The following PLEKHB1 variants were observed in gnomAD, a reference collection of about 807,000 sequenced individuals.
The protein encoded by PLEKHB1 is pleckstrin homology domain-containing family B member 1.
A neutral mutation model predicts 36.2 loss-of-function variants in PLEKHB1; 29 were observed. The observed-to-expected ratio is 0.80, with a 90% CI of 0.60 to 1.09. PLEKHB1 has a LOEUF of 1.09. Among genes scored for constraint, PLEKHB1 ranks in the 50% least tolerant of loss-of-function variants. PLEKHB1 has a pLI of 0.00. For synonymous variants in PLEKHB1, 138 were observed against 140.0 expected, an observed-to-expected ratio of 0.99 and a Z score of 0.10; for missense variants, 330 against 348.2, an observed-to-expected ratio of 0.95 and a Z score of 0.42.
At chr11:73,659,029 G>C (rs1945052108) in intron 6 of PLEKHB1, among the ~76,000 whole-genome samples, 1 of 152,108 alleles carries the variant, frequency 6.6e-6, no homozygotes. Flanking sequence ...TTCAAGACCA[G>C]CCTGGCGAAC....
At chr11:73,655,762 C>T in intron 5 of PLEKHB1, 41 bp from the exon 6 acceptor site, 1 of 1,566,814 alleles carries the variant, frequency 6.4e-7, no homozygotes, top group Non-Finnish European at 8.8e-7. Flanking sequence ...CTGACACCCC[C>T]TCCCTCCCTC....
intron 6 of PLEKHB1, among the ~76,000 whole-genome samples, chr11:73,658,113 A>T (rs1945029859): frequency 6.6e-6 from 1 of 152,230 alleles, no homozygotes. Context: ...ACGTGAAGAC[A>T]GCATGATCGG....
At chr11:73,648,685 G>A (rs1008021352) in intron 1 of PLEKHB1, 2 of 1,050,876 alleles carry the variant, frequency 1.9e-6, no homozygotes, top group Non-Finnish European at 2.3e-6. Flanking sequence ...CTGCCTCACA[G>A]ACACACTTCT....
In PLEKHB1 at chr11:73,649,243, G is replaced by A. The variant is rs1454869188; in HGVS notation, c.94+156G>A. 4.6e-5 allele frequency among the ~76,000 whole-genome samples: 7 copies of A among 152,026 alleles called. No homozygotes were observed. In the South Asian group the frequency reaches 8.3e-4, roughly 18 times the overall value. On this transcript the variant is annotated intron_variant, in intron 2 of 7. Coordinates refer to ENST00000354190, the MANE Select transcript of PLEKHB1 (RefSeq NM_021200.3). ...CTGCCTGAAGGTCCTTCCCATTCCC[G>A]ACTACATGGTTTAAACTTCTATTTG...
At chr11:73,649,722 A>G (rs1003442255) in intron 2 of PLEKHB1, among the ~76,000 whole-genome samples, 3 of 152,138 alleles carry the variant, frequency 2.0e-5, no homozygotes, top group African/African-American at 7.2e-5. Context: ...CCTGAGCAAG[A>G]GCTATCCTGG....
intron 2 of PLEKHB1, among the ~76,000 whole-genome samples, chr11:73,649,436 G>T (rs184938371): frequency 2.1e-3 from 323 of 152,154 alleles, no homozygotes; most frequent in African/African-American, 7.4e-3. Context: ...GTCTATCTGT[G>T]GGTATCCCCA....
chr11:73,651,186 C>CCAAAACAAAACAAACAAAA (rs1944883891), intron 3 of PLEKHB1, among the ~76,000 whole-genome samples: 1 of 151,382 alleles, frequency 6.6e-6, no homozygotes, highest in South Asian at 2.1e-4. Context: ...CCCGTCTCTA[C>CCAAAACAAAACAAACAAAA]CAAAACAAAA....
Position 73,655,863 on chromosome 11 carries a change from G to A in PLEKHB1, c.451G>A (p.Val151Met). The change falls in exon 6 of 8, where the codon GTG becomes ATG. Residue 151 changes from valine to methionine, a missense_variant. Coordinates refer to ENST00000354190, the MANE Select transcript of PLEKHB1 (RefSeq NM_021200.3). ...SRRVCSKVRC[V>M]TRSWSPCKVE... ...CCGGGTTTGCTCCAAGGTCAGGTGTGTGACCCGCTCGTGGAGCCCCTGTAA... is the reference window on the plus strand; with the variant it reads ...CCGGGTTTGCTCCAAGGTCAGGTGTATGACCCGCTCGTGGAGCCCCTGTAA... 6.2e-7 allele frequency: 1 copy of A among 1,613,792 alleles called. No individual in the cohort carries two copies. The highest frequency in any genetic ancestry group is 1.3e-5 in the African/African-American group (1 of 74,996).
At chr11:73,659,913 C>G (rs191490459) in intron 6 of PLEKHB1, among the ~76,000 whole-genome samples, 1 of 152,178 alleles carries the variant, frequency 6.6e-6, no homozygotes, top group African/African-American at 2.4e-5. Flanking sequence ...ATAATCGTTA[C>G]AGCCTAGTGC....
At chr11:73,652,936 A>G (rs1042806825) in intron 4 of PLEKHB1, 39 bp from the exon 5 acceptor site, 2 of 1,581,100 alleles carry the variant, frequency 1.3e-6, no homozygotes, top group South Asian at 1.2e-5. Context: ...ACCCACCCCC[A>G]AACTCCCTCC....
At chr11:73,648,971 G>C in intron 1 of PLEKHB1, 41 bp from the exon 2 acceptor site, 1 of 1,561,412 alleles carries the variant, frequency 6.4e-7, no homozygotes, top group South Asian at 1.2e-5. Context: ...TCTCCAGGGA[G>C]CTGCTGCTGA....
At chr11:73,657,004 A>G (rs957876901) in intron 6 of PLEKHB1, among the ~76,000 whole-genome samples, 8 of 152,152 alleles carry the variant, frequency 5.3e-5, no homozygotes, top group Non-Finnish European at 1.2e-4. Context: ...TACAAAAATT[A>G]GCAAGACATG....
At chr11:73,653,619 G>T (rs1352967716) in intron 5 of PLEKHB1, among the ~76,000 whole-genome samples, 1 of 152,216 alleles carries the variant, frequency 6.6e-6, no homozygotes, top group East Asian at 1.9e-4. Context: ...TTCAGGCAAG[G>T]CTTAAACCGA....
chr11:73,655,979 C>CAT, intron 6 of PLEKHB1, 72 bp downstream of exon 6: 1 of 1,270,364 alleles, frequency 7.9e-7, no homozygotes, highest in Non-Finnish European at 1.1e-6. Context: ...AGGCCCAGTC[C>CAT]ATCCCTTCCC....
At chr11:73,657,208 C>T (rs569374177) in intron 6 of PLEKHB1, among the ~76,000 whole-genome samples, 1 of 152,222 alleles carries the variant, frequency 6.6e-6, no homozygotes, top group South Asian at 2.1e-4. Flanking sequence ...GTGCCTGGGC[C>T]ACCAAATTGT....
chr11:73,654,022 A>G (rs1944948510), intron 5 of PLEKHB1, among the ~76,000 whole-genome samples: 1 of 91,416 alleles, frequency 1.1e-5, no homozygotes, highest in Non-Finnish European at 2.4e-5. Flanking sequence ...TTTGTTGTAG[A>G]AAAAAGGAAA....
chr11:73,648,701 T>C, intron 1 of PLEKHB1: 4 of 1,097,864 alleles, frequency 3.6e-6, no homozygotes, highest in Non-Finnish European at 4.5e-6. Flanking sequence ...CTTCTACAGA[T>C]CTAGAAACTG....
chr11:73,651,716 C>G, intron 3 of PLEKHB1, 72 bp from the exon 4 acceptor site: 1 of 1,236,880 alleles, frequency 8.1e-7, no homozygotes, highest in Non-Finnish European at 1.2e-6. Context: ...AATTCCTATT[C>G]CTGTCCCTGC....
intron 6 of PLEKHB1, 141 bp from the exon 7 acceptor site, chr11:73,660,612 C>T: frequency 1.4e-6 from 1 of 737,578 alleles, no homozygotes; most frequent in Non-Finnish European, 2.3e-6. Flanking sequence ...TCTCCAAGAG[C>T]TTGCTAGTGG....
Sources: gnomAD v4.1 joint callset for allele counts (sites outside exome capture counted in the v4.1 genomes callset) on GRCh38, gnomAD v4.1.1 for gene constraint, MANE v1.5 for transcripts, NCBI Gene and HGNC (gene_info 2026-07-23, HGNC 2026-07-21) for gene names.